GC: variants seen among roughly 807,000 people sequenced by gnomAD.
GC encodes GC vitamin D binding protein, also known as vitamin D-binding protein.
In GC, 43 loss-of-function variants were observed where a neutral mutation model predicts 56.7. That is an observed-to-expected ratio of 0.76 (90% confidence interval 0.59 to 0.98). The LOEUF is 0.98. Ranked by LOEUF, GC falls within the 50% of genes least tolerant of loss-of-function variation. The pLI, the probability that GC is intolerant of heterozygous loss-of-function variation, is 0.00. For synonymous variants in GC, 216 were observed against 202.7 expected, an observed-to-expected ratio of 1.07 and a Z score of -0.56; for missense variants, 529 against 545.9, an observed-to-expected ratio of 0.97 and a Z score of 0.31.
chr4:71,773,054 C>T (rs560687188), intron 1 of GC, among the ~76,000 whole-genome samples: 1 of 152,186 alleles, frequency 6.6e-6, no homozygotes, highest in African/African-American at 2.4e-5. Context: ...ACCAGTTGAG[C>T]TCACTCCAAT....
intron 7 of GC, among the ~76,000 whole-genome samples, chr4:71,757,528 A>C (rs948182199): frequency 1.3e-5 from 2 of 152,210 alleles, no homozygotes; most frequent in African/African-American, 2.4e-5. Context: ...AAATTATAAA[A>C]AGTATAATAA....
intron 1 of GC, among the ~76,000 whole-genome samples, chr4:71,770,081 C>T (rs1742297889): frequency 6.6e-6 from 1 of 152,146 alleles, no homozygotes; most frequent in Admixed American, 6.6e-5. Context: ...CACATAGTGA[C>T]AAGGGCTTCA....
intron 7 of GC, 86 bp from the exon 8 acceptor site, chr4:71,757,000 G>A (rs1203401576): frequency 1.7e-5 from 15 of 904,306 alleles, no homozygotes; most frequent in Middle Eastern, 3.3e-4. Flanking sequence ...ACAAGCTTTG[G>A]CATCACATTT....
At chr4:71,769,290 G>T (rs1293837358) in intron 2 of GC, 41 bp downstream of exon 2, 5 of 1,439,690 alleles carry the variant, frequency 3.5e-6, no homozygotes, top group South Asian at 1.2e-5. Flanking sequence ...TTTTGTTCAA[G>T]ATCAAATCAC....
intron 1 of GC, among the ~76,000 whole-genome samples, chr4:71,798,553 G>T (rs1743168607): frequency 6.6e-6 from 1 of 152,156 alleles, no homozygotes; most frequent in Non-Finnish European, 1.5e-5. Flanking sequence ...TTTTCTTAGG[G>T]TGGTTGTGTG....
At chr4:71,788,801 A>G (rs536284937), upstream of GC, among the ~76,000 whole-genome samples, 1 of 152,126 alleles carries the variant, frequency 6.6e-6, no homozygotes, top group Non-Finnish European at 1.5e-5. Flanking sequence ...ACAGAGAGGC[A>G]GCTACACCTC....
At chr4:71,801,263 A>C (rs75176559) in intron 1 of GC, among the ~76,000 whole-genome samples, 1 of 152,220 alleles carries the variant, frequency 6.6e-6, no homozygotes, top group Non-Finnish European at 1.5e-5. Flanking sequence ...GCAAAGCAAA[A>C]CCAAAATGAA....
intron 3 of GC, among the ~76,000 whole-genome samples, chr4:71,767,777 G>T (rs1742203137): frequency 6.6e-6 from 1 of 151,884 alleles, no homozygotes. Flanking sequence ...GCCGTGTACA[G>T]TGTACCTAAT....
intron 7 of GC, among the ~76,000 whole-genome samples, chr4:71,757,806 C>A (rs545757616): frequency 1.3e-5 from 2 of 152,308 alleles, no homozygotes; most frequent in Admixed American, 1.3e-4. Context: ...ATAATCTCAT[C>A]TTTGCATATG....
At position 71,763,431 on chromosome 4, in the gene GC, A is replaced by C. The variant is rs1430585152; in HGVS notation, c.678T>G (p.Tyr226Ter). 1 of 1,597,506 alleles carries C rather than the reference A, an allele frequency of 6.3e-7. No individual in the cohort carries two copies. Among genetic ancestry groups the C allele is most frequent in the Non-Finnish European group, 8.6e-7 (1 of 1,165,316 alleles). Residue 226 changes from tyrosine to a stop codon, truncating the protein, a stop_gained, in exon 6 of 13, where the codon TAT becomes TAG. Transcript: ENST00000273951. LOFTEE classifies it high-confidence loss of function. The stretch of plus-strand genomic sequence containing the variant: ...ACCTGAGCCTTGATTTCTTCTCCCC[A>C]TAAGCAGCATATTGTGAGCAGACTC... ...SNRVCSQYAAYGEKKSRLSNL... is the reference protein window; with the variant it reads ...SNRVCSQYAA
In GC at chr4:71,763,459, T is replaced by A; in HGVS notation, c.650A>T (p.Asn217Ile). Residue 217 changes from asparagine to isoleucine, a missense_variant, in exon 6 of 13, where the codon AAT becomes ATT. Physicochemically the swap from Asn to Ile is moderately radical, Grantham distance 149. Coordinates refer to ENST00000273951, the MANE Select transcript of GC (RefSeq NM_000583.4). ...AGCAGCATATTGTGAGCAGACTCTA[T>A]TTGACAGAGTGGTGAGAAGTGATAA... ...KHLSLLTTLSNRVCSQYAAYG... is the reference protein window; with the variant it reads ...KHLSLLTTLSIRVCSQYAAYG... The A allele has an allele frequency of 6.2e-7, 1 of 1,608,134 alleles. No homozygotes were observed. The highest frequency in any genetic ancestry group is 1.1e-5 in the South Asian group (1 of 90,870).
upstream of GC, among the ~76,000 whole-genome samples, chr4:71,788,608 G>A (rs113423618): frequency 1.0e-3 from 135 of 132,776 alleles, 1 homozygote; most frequent in African/African-American, 3.8e-3. Context: ...TGATGGTTCA[G>A]ACTAGATGCA....
At position 71,760,189 on chromosome 4, in the gene GC, G is replaced by A. The variant is rs368633318; in HGVS notation, c.702-2018C>T. Among the ~76,000 whole-genome samples the A allele has an allele frequency of 9.7e-4, 147 of 151,064 alleles. 1 individual carries two copies. The highest frequency in any genetic ancestry group is 8.2e-3 in the South Asian group (39 of 4,754). ...CTCCTGAGTAGCTGGGACTATAGGC[G>A]CCCACCACCATGCCTGGCTAATTTT... On this transcript the variant is annotated intron_variant, in intron 6 of 12. Transcript: ENST00000273951.
At chr4:71,794,530 A>G (rs894889532) in intron 1 of GC, among the ~76,000 whole-genome samples, 2 of 151,812 alleles carry the variant, frequency 1.3e-5, no homozygotes, top group East Asian at 3.9e-4. Context: ...TATTGCATCT[A>G]TTTGATTCTT....
At chr4:71,771,010 C>T (rs894702938) in intron 1 of GC, among the ~76,000 whole-genome samples, 2 of 152,114 alleles carry the variant, frequency 1.3e-5, no homozygotes, top group Non-Finnish European at 2.9e-5. Context: ...TAACCTGACT[C>T]ATCATTTATG....
intron 1 of GC, among the ~76,000 whole-genome samples, chr4:71,803,252 G>T (rs1232811516): frequency 6.6e-6 from 1 of 151,992 alleles, no homozygotes; most frequent in Middle Eastern, 3.2e-3. Context: ...CCTGTACTCT[G>T]ATTTGGCTGA....
intron 12 of GC, among the ~76,000 whole-genome samples, chr4:71,745,891 T>C (rs920066255): frequency 3.3e-5 from 5 of 152,086 alleles, no homozygotes; most frequent in African/African-American, 1.2e-4. Context: ...TATCATTATG[T>C]TACATGTGAG....
chr4:71,746,696 A>G (rs1020414112), intron 11 of GC, among the ~76,000 whole-genome samples: 1 of 149,350 alleles, frequency 6.7e-6, no homozygotes, highest in African/African-American at 2.5e-5. Context: ...GGAGAACCCA[A>G]GCAGGAGGCA....
upstream of GC, among the ~76,000 whole-genome samples, chr4:71,784,603 A>G (rs1011385506): frequency 7.2e-5 from 11 of 151,820 alleles, no homozygotes; most frequent in Non-Finnish European, 1.3e-4. Context: ...TTCTGATGCT[A>G]TGAAGTAATC....
Sources: allele counts gnomAD v4.1 joint callset (sites outside exome capture counted in the v4.1 genomes callset), GRCh38; gene constraint gnomAD v4.1.1; transcripts MANE v1.5; gene names NCBI Gene and HGNC (gene_info 2026-07-23, HGNC 2026-07-21).